The following SARDH variants were observed in gnomAD, a reference collection of about 807,000 sequenced individuals.
SARDH encodes sarcosine dehydrogenase, mitochondrial.
A neutral mutation model predicts 109.1 loss-of-function variants in SARDH; 95 were observed. The observed-to-expected ratio is 0.87, with a 90% CI of 0.74 to 1.03. The LOEUF is 1.03. SARDH is among the 50% of genes least tolerant of loss of function. SARDH has a pLI of 0.00. For synonymous variants in SARDH, 572 were observed against 534.8 expected (o/e 1.07, Z -0.96); for missense variants, 1,267 against 1,287.8 (o/e 0.98, Z 0.25).
chr9:133,695,665 C>G (rs1415718484), intron 14 of SARDH, among the ~76,000 whole-genome samples: 2 of 124,014 alleles, frequency 1.6e-5, no homozygotes, highest in Admixed American at 1.1e-4. Flanking sequence ...TTTTAAGCCA[C>G]CAGGTTTGTG....
In SARDH at chr9:133,696,359, G is replaced by A; in HGVS notation, c.1671C>T (p.Ile557=). ...CTCTGCAGGCCAGGCACTCCTTCTT[G>A]ATCTGAAAAGTTCCAGACAGGTGGG... ...TFAFPPHHDT[I]KKECLACRGA... Residue 557 remains isoleucine (I), a splice_region_variant and synonymous_variant, in exon 14 of 21, where the codon ATC becomes ATT. Coordinates refer to ENST00000439388, the MANE Select transcript of SARDH (RefSeq NM_001134707.2). 2 of 1,614,008 alleles carry A rather than the reference G, an allele frequency of 1.2e-6. No individual in the cohort carries two copies. The highest frequency in any genetic ancestry group is 8.5e-7 in the Non-Finnish European group (1 of 1,180,028).
At chr9:133,731,548 C>A in intron 3 of SARDH, 64 bp from the exon 4 acceptor site, 2 of 1,522,374 alleles carry the variant, frequency 1.3e-6, no homozygotes, top group South Asian at 1.2e-5. Flanking sequence ...CACTCCCCTC[C>A]CCAACTGGGC....
intron 20 of SARDH, among the ~76,000 whole-genome samples, chr9:133,664,491 C>T (rs129887): frequency 0.24 from 36,158 of 152,148 alleles, 4,616 homozygotes; most frequent in East Asian, 0.39. Context: ...CCCCAGCAAG[C>T]GCTCGGGAGC....
At chr9:133,691,769 A>G (rs1831106000) in intron 15 of SARDH, among the ~76,000 whole-genome samples, 1 of 152,216 alleles carries the variant, frequency 6.6e-6, no homozygotes, top group African/African-American at 2.4e-5. Flanking sequence ...ATGCCCATGC[A>G]TATTCATAAC....
rs138621957 is a variant in SARDH, at chr9:133,728,423, C to A, written c.915+1342G>T. On this transcript the variant is annotated intron_variant, in intron 6 of 20. Transcript: ENST00000439388. This position sits in a 1 kb window ranked among gnomAD's most constrained non-coding sequence, Gnocchi z 5.0. ...CACTGGCCCTGACCCTAAACAAGGG[C>A]AGTCTGTTCTCACACTGACCCTGCC... is the stretch of plus-strand genomic sequence containing the variant. Among the ~76,000 whole-genome samples the A allele has an allele frequency of 8.8e-3, 1,345 of 152,262 alleles. 18 individuals are homozygous for A. Among genetic ancestry groups the A allele is most frequent in the African/African-American group, 0.03 (1,254 of 41,538 alleles).
chr9:133,696,453 C>G, intron 13 of SARDH, 92 bp from the exon 14 acceptor site: 1 of 1,514,604 alleles, frequency 6.6e-7, no homozygotes, highest in Non-Finnish European at 9.1e-7. Context: ...GTGTCCAACA[C>G]ACCTGTACTG....
At chr9:133,679,562 G>A (rs1301557014) in intron 17 of SARDH, among the ~76,000 whole-genome samples, 1 of 152,224 alleles carries the variant, frequency 6.6e-6, no homozygotes, top group African/African-American at 2.4e-5. Context: ...ACCGTGTCTG[G>A]CCGAGCGGAG....
At chr9:133,662,712 G>A (rs1285889729), downstream of SARDH, among the ~76,000 whole-genome samples, 4 of 152,352 alleles carry the variant, frequency 2.6e-5, no homozygotes, top group South Asian at 2.1e-4. This position sits in a 1 kb window ranked among gnomAD's most constrained non-coding sequence, Gnocchi z 5.1. Flanking sequence ...CCCCCAGATC[G>A]CTGTTTGCTG....
At chr9:133,697,641 C>T (rs921532422) in intron 13 of SARDH, among the ~76,000 whole-genome samples, 3 of 152,096 alleles carry the variant, frequency 2.0e-5, no homozygotes, top group African/African-American at 7.2e-5. Flanking sequence ...TGATGTAATG[C>T]AACATATTAA....
intron 13 of SARDH, among the ~76,000 whole-genome samples, chr9:133,697,603 G>A (rs190012059): frequency 1.0e-3 from 159 of 152,332 alleles, no homozygotes; most frequent in African/African-American, 3.6e-3. Flanking sequence ...CCAGGAATAT[G>A]AGGTTGGTTT....
downstream of SARDH, chr9:133,663,419 C>T (rs1829949112): frequency 4.2e-6 from 1 of 236,120 alleles, no homozygotes; most frequent in Non-Finnish European, 8.3e-6. Context: ...CCTCCATGTG[C>T]GCTGTGGCAG....
chr9:133,682,280 C>T (rs1277059671), intron 17 of SARDH, among the ~76,000 whole-genome samples: 3 of 152,196 alleles, frequency 2.0e-5, no homozygotes, highest in Non-Finnish European at 2.9e-5. Context: ...AACAGGGGAA[C>T]AGTCACGACA....
chr9:133,718,821 A>C lies in SARDH; in HGVS notation c.1020+117T>G, dbSNP rs1326926041. ...GCTTGGTGGGGTCAGGGGACCGGCCACTTCTCAGGTGTGCCTCTGAGGAGC... is the reference window on the plus strand; with the variant it reads ...GCTTGGTGGGGTCAGGGGACCGGCCCCTTCTCAGGTGTGCCTCTGAGGAGC... On this transcript the variant is annotated intron_variant, in intron 7 of 20. Coordinates refer to ENST00000439388, the MANE Select transcript of SARDH (RefSeq NM_001134707.2). This position sits in a 1 kb window ranked among gnomAD's most constrained non-coding sequence, Gnocchi z 4.2. 2 of 873,256 alleles carry C rather than the reference A, an allele frequency of 2.3e-6. No individual in the cohort carries two copies. The highest frequency in any genetic ancestry group is 4.0e-6 in the Non-Finnish European group (2 of 505,616). The allele number at this position is 873,256 out of a possible 1,614,324, so 54.1% of individuals were successfully genotyped here.
intron 17 of SARDH, among the ~76,000 whole-genome samples, chr9:133,684,022 C>G (rs1353078810): frequency 6.6e-6 from 1 of 151,634 alleles, no homozygotes; most frequent in South Asian, 2.1e-4. Flanking sequence ...TGGGTAACAT[C>G]CGTCATGCAG....
At chr9:133,697,826 G>T (rs1197692158) in intron 13 of SARDH, among the ~76,000 whole-genome samples, 2 of 151,986 alleles carry the variant, frequency 1.3e-5, no homozygotes, top group African/African-American at 4.8e-5. Flanking sequence ...CATGATGAAA[G>T]ATCAGGAACA....
intron 15 of SARDH, among the ~76,000 whole-genome samples, chr9:133,691,398 C>T (rs1831092742): frequency 6.6e-6 from 1 of 152,180 alleles, no homozygotes; most frequent in Non-Finnish European, 1.5e-5. Context: ...AGACGCCAGT[C>T]CTGAGGCCAG....
At chr9:133,673,551 C>T (rs1353521082) in intron 17 of SARDH, among the ~76,000 whole-genome samples, 1 of 152,220 alleles carries the variant, frequency 6.6e-6, no homozygotes, top group Non-Finnish European at 1.5e-5. Context: ...ATCACATGGC[C>T]GCCGAGGGGC....
intron 11 of SARDH, among the ~76,000 whole-genome samples, chr9:133,705,949 C>T (rs2131426018): frequency 6.6e-6 from 1 of 152,206 alleles, no homozygotes; most frequent in East Asian, 1.9e-4. Context: ...CCAGGAGAGC[C>T]CTCTCCAGGA....
chr9:133,680,093 A>C (rs1453262581), intron 17 of SARDH, among the ~76,000 whole-genome samples: 1 of 152,232 alleles, frequency 6.6e-6, no homozygotes, highest in Non-Finnish European at 1.5e-5. Context: ...ACAAGATATT[A>C]TTTAGGAGAA....
Sources: allele counts gnomAD v4.1 joint callset (sites outside exome capture counted in the v4.1 genomes callset), GRCh38; gene constraint gnomAD v4.1.1; non-coding constraint Gnocchi (gnomAD v3.1); transcripts MANE v1.5; gene names NCBI Gene and HGNC (gene_info 2026-07-23, HGNC 2026-07-21).